CADM2: variants seen among roughly 807,000 people sequenced by gnomAD.
The protein encoded by CADM2 is cell adhesion molecule 2.
Under a neutral mutation model 49.8 loss-of-function variants are expected in CADM2, and 12 were observed. The observed-to-expected ratio is 0.24, with a 90% CI of 0.15 to 0.39. The LOEUF (loss-of-function observed/expected upper bound fraction) is 0.39, where lower values mean the gene tolerates loss of function less well. Ranked by LOEUF, CADM2 falls within the 10% of genes least tolerant of loss-of-function variation. The pLI is 1.00. For missense variants in CADM2, 378 were observed against 492.3 expected, an observed-to-expected ratio of 0.77 and a Z score of 2.20; for synonymous variants, 214 against 175.4, an observed-to-expected ratio of 1.22 and a Z score of -1.74.
intron 1 of CADM2, among the ~76,000 whole-genome samples, chr3:85,021,690 G>A (rs534559924): frequency 1.6e-4 from 25 of 152,128 alleles, no homozygotes; most frequent in African/African-American, 5.8e-4. Context: ...CAGGAGAATC[G>A]CTTGAACCCA....
At chr3:85,195,971 C>G (rs1305701720) in intron 1 of CADM2, among the ~76,000 whole-genome samples, 1 of 152,036 alleles carries the variant, frequency 6.6e-6, no homozygotes, top group East Asian at 1.9e-4. Context: ...ATTAATCAGA[C>G]AATTTACCCA....
intron 8 of CADM2, among the ~76,000 whole-genome samples, chr3:86,045,654 A>ATGTC (rs1267463681): frequency 6.6e-6 from 1 of 152,066 alleles, no homozygotes; most frequent in Non-Finnish European, 1.5e-5. Flanking sequence ...CTTTTTTGAT[A>ATGTC]TGTCTAAGTG....
chr3:85,944,970 A>C (rs1314727057), intron 7 of CADM2, among the ~76,000 whole-genome samples: 3 of 152,122 alleles, frequency 2.0e-5, no homozygotes, highest in African/African-American at 7.2e-5. Flanking sequence ...AACCCTTCAA[A>C]AAATCGGTGA....
At chr3:85,764,296 A>T (rs922627601) in intron 2 of CADM2, among the ~76,000 whole-genome samples, 6 of 152,138 alleles carry the variant, frequency 3.9e-5, no homozygotes, top group African/African-American at 1.4e-4. Flanking sequence ...TAAAAATAAA[A>T]TTAATAATGT....
At chr3:85,210,975 T>C (rs1212293675) in intron 1 of CADM2, among the ~76,000 whole-genome samples, 2 of 152,214 alleles carry the variant, frequency 1.3e-5, no homozygotes, top group East Asian at 1.9e-4. Flanking sequence ...CATTTGTCTT[T>C]TCAAGTTGTG....
intron 6 of CADM2, among the ~76,000 whole-genome samples, chr3:85,928,623 A>AT (rs1720213806): frequency 6.6e-6 from 1 of 152,198 alleles, no homozygotes; most frequent in Non-Finnish European, 1.5e-5. Flanking sequence ...TCTAAAGAAT[A>AT]TTTTTTGTTT....
intron 8 of CADM2, among the ~76,000 whole-genome samples, chr3:86,049,384 C>T: frequency 6.6e-6 from 1 of 151,648 alleles, no homozygotes. Flanking sequence ...ACGCCATCCT[C>T]CTGCCTCAGC....
chr3:85,749,280 G>A (rs542915272), intron 2 of CADM2, among the ~76,000 whole-genome samples: 55 of 151,960 alleles, frequency 3.6e-4, no homozygotes, highest in African/African-American at 1.3e-3. Flanking sequence ...GTAATACTAA[G>A]TGCAGATGCT....
intron 1 of CADM2, among the ~76,000 whole-genome samples, chr3:85,345,622 G>A (rs67028245): frequency 0.31 from 47,752 of 152,058 alleles, 9,251 homozygotes; most frequent in East Asian, 0.59. Context: ...AAATGCCAGT[G>A]CCATGAAAGG....
intron 1 of CADM2, among the ~76,000 whole-genome samples, chr3:85,579,812 A>G (rs1161393134): frequency 6.6e-6 from 1 of 152,122 alleles, no homozygotes; most frequent in Non-Finnish European, 1.5e-5. Context: ...ATATAGATTC[A>G]TATAAATATG....
At chr3:85,265,767 T>C (rs2043109062) in intron 1 of CADM2, among the ~76,000 whole-genome samples, 1 of 152,046 alleles carries the variant, frequency 6.6e-6, no homozygotes, top group Non-Finnish European at 1.5e-5. Flanking sequence ...AAGGTGAAGA[T>C]TCCAAATTAT....
rs574287859 is a variant in CADM2, at chr3:85,053,375, T to A, written c.61+93707T>A. ...GGACTGTATTTTAAAATTATATTGATAAACTGGAGAGCACATACAGGACAA... is the reference window on the plus strand; with the variant it reads ...GGACTGTATTTTAAAATTATATTGAAAAACTGGAGAGCACATACAGGACAA... On this transcript the variant is annotated intron_variant, in intron 1 of 9. Coordinates refer to ENST00000383699, the MANE Select transcript of CADM2 (RefSeq NM_001167675.2). Among the ~76,000 whole-genome samples the A allele has an allele frequency of 4.6e-5, 7 of 152,014 alleles. No homozygotes were observed. In the South Asian group the frequency reaches 1.5e-3, roughly 31 times the overall value.
At chr3:85,290,353 G>T (rs891678275) in intron 1 of CADM2, among the ~76,000 whole-genome samples, 1 of 152,186 alleles carries the variant, frequency 6.6e-6, no homozygotes, top group African/African-American at 2.4e-5. Context: ...GCCGCAGCAA[G>T]GCTGGGGGAG....
At chr3:85,291,689 A>T (rs1484041551) in intron 1 of CADM2, among the ~76,000 whole-genome samples, 1 of 147,162 alleles carries the variant, frequency 6.8e-6, no homozygotes, top group South Asian at 2.1e-4. Context: ...AGGCAAACTA[A>T]GCTTCATAAG....
intron 1 of CADM2, among the ~76,000 whole-genome samples, chr3:85,160,843 A>G (rs1443179305): frequency 6.6e-6 from 1 of 152,204 alleles, no homozygotes; most frequent in African/African-American, 2.4e-5. Context: ...TATGGGATGT[A>G]GAGGAAATAA....
intron 8 of CADM2, among the ~76,000 whole-genome samples, chr3:86,006,027 T>C (rs1031350121): frequency 6.6e-6 from 1 of 152,324 alleles, no homozygotes; most frequent in Non-Finnish European, 1.5e-5. Flanking sequence ...GTTCCATCCA[T>C]GTTGTTGCAA....
At chr3:85,076,939 TC>T (rs1269139960) in intron 1 of CADM2, among the ~76,000 whole-genome samples, 11 of 152,130 alleles carry the variant, frequency 7.2e-5, no homozygotes, top group Non-Finnish European at 1.0e-4. Context: ...GCCACTGCAC[TC>T]CAGCCTGGGC....
chr3:85,291,610 C>T (rs2043798196), intron 1 of CADM2, among the ~76,000 whole-genome samples: 1 of 147,060 alleles, frequency 6.8e-6, no homozygotes, highest in Non-Finnish European at 1.5e-5. Context: ...CCCTACAAGC[C>T]AGAAGAGAGT....
intron 1 of CADM2, among the ~76,000 whole-genome samples, chr3:85,151,202 T>A (rs538592186): frequency 2.4e-4 from 37 of 152,254 alleles, no homozygotes; most frequent in African/African-American, 8.7e-4. Context: ...GCTCAGTTAA[T>A]TTTATACAAA....
Sources: gnomAD v4.1 joint callset for allele counts (sites outside exome capture counted in the v4.1 genomes callset) on GRCh38, gnomAD v4.1.1 for gene constraint, MANE v1.5 for transcripts, NCBI Gene and HGNC (gene_info 2026-07-23, HGNC 2026-07-21) for gene names.